Variants in NFKBIE observed in about 807,000 individuals in gnomAD.
The protein encoded by NFKBIE is NFKB inhibitor epsilon.
Under a neutral mutation model 31.6 loss-of-function variants are expected in NFKBIE, and 11 were observed. The ratio of observed to expected loss-of-function variants is 0.35; its 90% CI spans 0.22 to 0.58. The LOEUF (loss-of-function observed/expected upper bound fraction) is 0.58, where lower values mean the gene tolerates loss of function less well. Ranked by LOEUF, NFKBIE falls within the 20% of genes least tolerant of loss-of-function variation. The probability of loss-of-function intolerance (pLI) is 0.83; values close to 1 mark genes in which losing one functional copy is unlikely to be tolerated. For missense variants in NFKBIE, 354 were observed against 465.7 expected (o/e 0.76, Z 2.21); for synonymous variants, 208 against 210.1 (o/e 0.99, Z 0.09).
intron 2 of NFKBIE, among the ~76,000 whole-genome samples, chr6:44,262,060 G>A (rs1781942727): frequency 6.6e-6 from 1 of 152,186 alleles, no homozygotes; most frequent in Admixed American, 6.5e-5. Context: ...TGGAAGCAAG[G>A]TGAAGAAAGT....
In NFKBIE at chr6:44,265,488, C is replaced by T; in HGVS notation, c.-142G>A. 2.6e-6 allele frequency: 4 copies of T among 1,532,364 alleles called. No homozygotes were observed. The highest frequency in any genetic ancestry group is 3.5e-6 in the Non-Finnish European group (4 of 1,142,324). 94.9% of individuals were successfully genotyped at this position (1,532,364 alleles called of 1,614,324 possible). On this transcript the variant is annotated 5_prime_UTR_variant, in exon 1 of 6. Coordinates refer to ENST00000619360, the MANE Select transcript of NFKBIE (RefSeq NM_004556.3). ...GCCTCCTTCCCGGGCTGTGGGGCTC[C>T]GAGGGGCCGGCGCGCAGCGAGGACA... is the stretch of plus-strand genomic sequence containing the variant.
intron 5 of NFKBIE, among the ~76,000 whole-genome samples, chr6:44,259,607 G>A (rs528685243): frequency 1.8e-4 from 27 of 152,196 alleles, no homozygotes; most frequent in African/African-American, 5.5e-4. Context: ...CTGGGTACTC[G>A]CAGAACATTT....
Position 44,265,364 on chromosome 6 carries a change from GC to G in NFKBIE, c.-19del. 1.3e-6 allele frequency: 2 copies of G among 1,560,156 alleles called. No individual in the cohort carries two copies. Among genetic ancestry groups the G allele is most frequent in the Admixed American group, 1.8e-5 (1 of 55,044 alleles). Reference sequence around the variant, plus strand: ...TCCGACATGCCCGCGGCTCTGGCCGGCCGGGGCCCGGTCTGAGCAGGATCCG... The same window carrying G: ...TCCGACATGCCCGCGGCTCTGGCCGGCGGGGCCCGGTCTGAGCAGGATCCG... On this transcript the variant is annotated 5_prime_UTR_variant, in exon 1 of 6. Transcript: ENST00000619360.
chr6:44,265,406 G>A lies in NFKBIE; in HGVS notation c.-60C>T, dbSNP rs751686362. On this transcript the variant is annotated 5_prime_UTR_variant, in exon 1 of 6. Coordinates refer to ENST00000619360, the MANE Select transcript of NFKBIE (RefSeq NM_004556.3). Reference sequence around the variant, plus strand: ...GCAGGATCCGGCTCCAGGCTCCGCCGCGCCGCCTTTCCGGGTTGCGGGTCC... The same window carrying A: ...GCAGGATCCGGCTCCAGGCTCCGCCACGCCGCCTTTCCGGGTTGCGGGTCC... 3.2e-6 allele frequency: 5 copies of A among 1,546,492 alleles called. No homozygotes were observed. Among genetic ancestry groups the A allele is most frequent in the East Asian group, 2.5e-5 (1 of 40,648 alleles).
Position 44,260,826 on chromosome 6 carries a change from A to AAC in NFKBIE, c.692-289_692-288dup, listed in dbSNP as rs369958691. Among the ~76,000 whole-genome samples the AAC allele has an allele frequency of 0.33, 39,228 of 119,080 alleles. 7,316 individuals carry two copies. Among genetic ancestry groups the AAC allele is most frequent in the African/African-American group, 0.55 (18,463 of 33,524 alleles). The allele number at this position is 119,080 out of a possible 152,430, so 78.1% of individuals were successfully genotyped here. ...CACCCTCCTCCTATACACAAACTACAACACACACACACACACACACACACA... is the reference window on the plus strand; with the variant it reads ...CACCCTCCTCCTATACACAAACTACAACACACACACACACACACACACACACA... On this transcript the variant is annotated intron_variant, in intron 3 of 5. Transcript: ENST00000619360. This position sits in a 1 kb window ranked among gnomAD's most constrained non-coding sequence, Gnocchi z 5.5.
intron 5 of NFKBIE, among the ~76,000 whole-genome samples, 173 bp downstream of exon 5, chr6:44,259,870 A>G (rs1781832673): frequency 1.3e-5 from 2 of 152,054 alleles, no homozygotes; most frequent in Admixed American, 6.5e-5. Flanking sequence ...AAGAGTCCAA[A>G]TTTGGCTCCT....
At position 44,265,181 on chromosome 6, in the gene NFKBIE, T is replaced by G; in HGVS notation, c.166A>C (p.Lys56Gln). The change falls in exon 1 of 6, where the codon AAG becomes CAG. Residue 56 changes from lysine (K) to glutamine (Q), a missense_variant. Transcript: ENST00000619360. ...GCGTCTTCCTTCTCCTGTGGTTCCTTGACGGGTCCCGGAGGATGGGTGCAG... is the reference window on the plus strand; with the variant it reads ...GCGTCTTCCTTCTCCTGTGGTTCCTGGACGGGTCCCGGAGGATGGGTGCAG... ...QPCTHPPGPV[K>Q]EPQEKEDADG... 1.3e-6 allele frequency: 2 copies of G among 1,551,804 alleles called. No individual in the cohort carries two copies. The highest frequency in any genetic ancestry group is 1.7e-6 in the Non-Finnish European group (2 of 1,147,044).
chr6:44,258,902 G>T lies in NFKBIE; in HGVS notation c.*317C>A. ...GCTTCCTACTGGTTGGCAGTTTCAG[G>T]CTGACCCAACATGGGTAAAACAAGA... On this transcript the variant is annotated 3_prime_UTR_variant, in exon 6 of 6. Coordinates refer to ENST00000619360, the MANE Select transcript of NFKBIE (RefSeq NM_004556.3). 1 of 251,968 alleles carries T rather than the reference G, an allele frequency of 4.0e-6. No individual in the cohort carries two copies. Among genetic ancestry groups the T allele is most frequent in the South Asian group, 5.3e-5 (1 of 18,896 alleles). 15.6% of individuals were successfully genotyped at this position (251,968 alleles called of 1,614,324 possible).
In NFKBIE at chr6:44,259,963, C is replaced by T. The variant is rs1222083604; in HGVS notation, c.1020+80G>A. ...GTTATACCCCAGGACTCCTGGCTCC[C>T]TGGCCCTTTCAGCTAATGACAGAAC... On this transcript the variant is annotated intron_variant, in intron 5 of 5. Coordinates refer to ENST00000619360, the MANE Select transcript of NFKBIE (RefSeq NM_004556.3). 5.8e-6 allele frequency: 9 copies of T among 1,551,104 alleles called. No homozygotes were observed. In the East Asian group the frequency reaches 1.6e-4, roughly 27 times the overall value.
In NFKBIE at chr6:44,261,775, C is replaced by T. The variant is rs142279662; in HGVS notation, c.542G>A (p.Arg181Gln). Residue 181 changes from arginine to glutamine, a missense_variant, in exon 3 of 6, where the codon CGG becomes CAG. By Grantham distance (43) the Arg-to-Gln change is conservative (BLOSUM62 1). Around this residue, in one of 2 missense-constraint regions of NFKBIE, gnomAD observed 183 missense variants for 310.6 expected, o/e 0.59. Transcript: ENST00000619360. This position sits in a 1 kb window ranked among gnomAD's most constrained non-coding sequence, Gnocchi z 4.3. ...GTCACCATGCCGGTCCTGTAGTGCC[C>T]GGCTGGCCCCCTTCAGCACCAGTGC... ...VRALVLKGAS[R>Q]ALQDRHGDTA... The T allele has an allele frequency of 1.5e-5, 24 of 1,613,644 alleles. No homozygotes were observed. In the African/African-American group the frequency reaches 1.9e-4, roughly 13 times the overall value.
rs773034559 is a variant in NFKBIE at position 44,262,669 on chromosome 6, G to A, written c.366-7C>T. ...CACTGCCAGGTGGACCAGCCTAGGG[G>A]AGCAGAGGCGGGGCTTAGAGTTAAG... On this transcript the variant is annotated splice_region_variant and splice_polypyrimidine_tract_variant and intron_variant, in intron 1 of 5. Transcript: ENST00000619360. 1.2e-6 allele frequency: 2 copies of A among 1,612,682 alleles called. No homozygotes were observed. Among genetic ancestry groups the A allele is most frequent in the South Asian group, 2.2e-5 (2 of 91,022 alleles).
intron 5 of NFKBIE, among the ~76,000 whole-genome samples, chr6:44,259,702 C>G (rs1389760023): frequency 6.6e-6 from 1 of 152,058 alleles, no homozygotes; most frequent in Non-Finnish European, 1.5e-5. Flanking sequence ...AGTCCAAGAC[C>G]AGGAAAAACT....
Position 44,265,362 on chromosome 6 carries a change from C to T in NFKBIE, c.-16G>A. On this transcript the variant is annotated 5_prime_UTR_variant, in exon 1 of 6. Transcript: ENST00000619360. ...CCTCCGACATGCCCGCGGCTCTGGC[C>T]GGCCGGGGCCCGGTCTGAGCAGGAT... is the stretch of plus-strand genomic sequence containing the variant. 1.3e-6 allele frequency: 2 copies of T among 1,559,852 alleles called. No individual in the cohort carries two copies. The highest frequency in any genetic ancestry group is 1.7e-6 in the Non-Finnish European group (2 of 1,159,042).
chr6:44,265,185 G>C lies in NFKBIE; in HGVS notation c.162C>G (p.Pro54=). 1 of 1,551,770 alleles carries C rather than the reference G, an allele frequency of 6.4e-7. No homozygotes were observed. The highest frequency in any genetic ancestry group is 8.7e-7 in the Non-Finnish European group (1 of 1,147,026). ...SPQPCTHPPG[P]VKEPQEKEDA... is the part of the protein sequence containing the mutation. Reference sequence around the variant, plus strand: ...CTTCCTTCTCCTGTGGTTCCTTGACGGGTCCCGGAGGATGGGTGCAGGGCT... The same window carrying C: ...CTTCCTTCTCCTGTGGTTCCTTGACCGGTCCCGGAGGATGGGTGCAGGGCT... Residue 54 remains proline, a synonymous_variant, in exon 1 of 6, where the codon CCC becomes CCG. Transcript: ENST00000619360.
rs1253214058 is a variant in NFKBIE at position 44,260,884 on chromosome 6, CACACACAA to C, written c.692-353_692-346del. 3.3e-5 allele frequency among the ~76,000 whole-genome samples: 5 copies of C among 151,030 alleles called. No homozygotes were observed. Among genetic ancestry groups the C allele is most frequent in the African/African-American group, 9.8e-5 (4 of 40,966 alleles). On this transcript the variant is annotated intron_variant, in intron 3 of 5. Transcript: ENST00000619360. The surrounding 1 kb of genome is among the most constrained non-coding windows in gnomAD (Gnocchi z 5.5). ...AGACACACACACACACACACACACA[CACACACAA>C]CCTGCCTTCAAGCCCAGTCTGAAAG... is the stretch of plus-strand genomic sequence containing the variant.
intron 1 of NFKBIE, among the ~76,000 whole-genome samples, chr6:44,264,590 T>A (rs939151285): frequency 6.6e-6 from 1 of 152,174 alleles, no homozygotes; most frequent in African/African-American, 2.4e-5. Context: ...AACTGGCACC[T>A]GTTGTTCCTT....
intron 1 of NFKBIE, among the ~76,000 whole-genome samples, chr6:44,264,540 C>A (rs570710207): frequency 6.6e-6 from 1 of 152,304 alleles, no homozygotes; most frequent in South Asian, 2.1e-4. Context: ...CCTGGTGGCA[C>A]CCCCCATGCC....
At position 44,260,551 on chromosome 6, in the gene NFKBIE, T is replaced by C. The variant is rs762269999; in HGVS notation, c.692-12A>G. 2 of 1,613,714 alleles carry C rather than the reference T, an allele frequency of 1.2e-6. No individual in the cohort carries two copies. Among genetic ancestry groups the C allele is most frequent in the Admixed American group, 3.3e-5 (2 of 59,988 alleles). ...GAGACAAGCCAGACCTGGGATGGGG[T>C]GAGAGTGAGGGTGAGGGCTGCTGAT... On this transcript the variant is annotated splice_polypyrimidine_tract_variant and intron_variant, in intron 3 of 5. Coordinates refer to ENST00000619360, the MANE Select transcript of NFKBIE (RefSeq NM_004556.3). This position sits in a 1 kb window ranked among gnomAD's most constrained non-coding sequence, Gnocchi z 5.5.
Position 44,261,672 on chromosome 6 carries a change from G to A in NFKBIE, c.645C>T (p.Gly215=), listed in dbSNP as rs759551471. ...RCLLEGRPEP[G]RGTSHSLDLQ... is the part of the protein sequence containing the mutation. ...GGTCCAGAGAGTGAGATGTTCCTCT[G>A]CCTGGCTCTGGCCGCCCTTCCAGCA... Residue 215 remains glycine (G), a synonymous_variant, in exon 3 of 6, where the codon GGC becomes GGT. Transcript: ENST00000619360. The surrounding 1 kb of genome is among the most constrained non-coding windows in gnomAD (Gnocchi z 4.3). 1.2e-6 allele frequency: 2 copies of A among 1,614,108 alleles called. No homozygotes were observed. The highest frequency in any genetic ancestry group is 1.7e-6 in the Non-Finnish European group (2 of 1,180,052).
Sources: gnomAD v4.1 joint callset for allele counts (sites outside exome capture counted in the v4.1 genomes callset) on GRCh38, gnomAD v4.1.1 for gene constraint, gnomAD v4.1.1 regional missense constraint, Gnocchi (gnomAD v3.1) non-coding constraint, MANE v1.5 for transcripts, NCBI Gene and HGNC (gene_info 2026-07-23, HGNC 2026-07-21) for gene names.